DCP2: variants seen among roughly 807,000 people sequenced by gnomAD.
DCP2 encodes decapping mRNA 2, also known as m7GpppN-mRNA hydrolase.
DCP2 carries 30 observed loss-of-function variants against 56.1 expected under a neutral mutation model. The observed-to-expected ratio is 0.53, with a 90% CI of 0.40 to 0.73. The LOEUF (loss-of-function observed/expected upper bound fraction) is 0.73, where lower values mean the gene tolerates loss of function less well. Ranked by LOEUF, DCP2 falls within the 30% of genes least tolerant of loss-of-function variation. The pLI, the probability that DCP2 is intolerant of heterozygous loss-of-function variation, is 0.00. For synonymous variants in DCP2, 197 were observed against 163.3 expected, an observed-to-expected ratio of 1.21 and a Z score of -1.57; for missense variants, 533 against 502.7, an observed-to-expected ratio of 1.06 and a Z score of -0.58.
At chr5:113,004,290 T>C (rs1279312410) in intron 8 of DCP2, among the ~76,000 whole-genome samples, 2 of 152,258 alleles carry the variant, frequency 1.3e-5, no homozygotes, top group Non-Finnish European at 2.9e-5. Flanking sequence ...AATTAGCATC[T>C]GACTTTTGTG....
chr5:112,981,410 T>C (rs1747997618), intron 1 of DCP2, among the ~76,000 whole-genome samples: 1 of 152,220 alleles, frequency 6.6e-6, no homozygotes, highest in Non-Finnish European at 1.5e-5. Flanking sequence ...CATTTTTTCT[T>C]GCCCATTCCC....
intron 4 of DCP2, among the ~76,000 whole-genome samples, chr5:113,000,732 A>G (rs1305962710): frequency 6.6e-6 from 1 of 152,212 alleles, no homozygotes; most frequent in Non-Finnish European, 1.5e-5. Flanking sequence ...TACCTTCTGT[A>G]TATAAATGTT....
Position 113,017,008 on chromosome 5 carries a change from A to C in DCP2, c.*3524A>C, listed in dbSNP as rs1173764326. On this transcript the variant is annotated 3_prime_UTR_variant, in exon 11 of 11. Coordinates refer to ENST00000389063, the MANE Select transcript of DCP2 (RefSeq NM_152624.6). ...AGGCATGCGCCACCACGCCCTGCTA[A>C]TTCTGTCTTTTTAGTAGAGACGGGG... 1.3e-5 allele frequency: 2 copies of C among 151,934 alleles called. No individual in the cohort carries two copies. The highest frequency in any genetic ancestry group is 2.9e-5 in the Non-Finnish European group (2 of 68,000). The allele number at this position is 151,934 out of a possible 1,614,324, so 9.4% of individuals were successfully genotyped here.
intron 4 of DCP2, among the ~76,000 whole-genome samples, chr5:112,996,971 G>A (rs1426788057): frequency 6.6e-6 from 1 of 152,200 alleles, no homozygotes. Context: ...ACAGAAAAGA[G>A]CTGAGGAAAG....
chr5:112,991,331 T>A (rs1317563863), intron 2 of DCP2, among the ~76,000 whole-genome samples: 1 of 152,204 alleles, frequency 6.6e-6, no homozygotes, highest in African/African-American at 2.4e-5. Flanking sequence ...ATTAACAGTA[T>A]TATAGTGATG....
chr5:113,005,958 C>G (rs566447916), intron 8 of DCP2, among the ~76,000 whole-genome samples: 2 of 151,910 alleles, frequency 1.3e-5, no homozygotes, highest in Non-Finnish European at 2.9e-5. Flanking sequence ...CATGTCTCTA[C>G]TACTAAAAAT....
At position 113,013,831 on chromosome 5, in the gene DCP2, A is replaced by G. The variant is rs575447828; in HGVS notation, c.*347A>G. On this transcript the variant is annotated 3_prime_UTR_variant, in exon 11 of 11. Coordinates refer to ENST00000389063, the MANE Select transcript of DCP2 (RefSeq NM_152624.6). ...CCAAGTTAATGGGAATGCTCCATCT[A>G]CCTGTTACAGTGATTGCAATAATAG... The G allele has an allele frequency of 1.1e-5, 2 of 188,608 alleles. No individual in the cohort carries two copies. Among genetic ancestry groups the G allele is most frequent in the African/African-American group, 4.7e-5 (2 of 42,636 alleles). 11.7% of individuals were successfully genotyped at this position (188,608 alleles called of 1,614,324 possible).
chr5:113,016,821 TACC>T lies in DCP2; in HGVS notation c.*3340_*3342del. 1 of 149,858 alleles carries T rather than the reference TACC, an allele frequency of 6.7e-6. No homozygotes were observed. Among genetic ancestry groups the T allele is most frequent in the Admixed American group, 6.7e-5 (1 of 14,902 alleles). The allele number at this position is 149,858 out of a possible 1,614,324, so 9.3% of individuals were successfully genotyped here. A position where few individuals can be genotyped will look rare whatever the true frequency, so the allele number is the denominator to read the frequency against. On this transcript the variant is annotated 3_prime_UTR_variant, in exon 11 of 11. Transcript: ENST00000389063. The stretch of plus-strand genomic sequence containing the variant: ...AGACATTTTGCCAAGTTAGTTTTCT[TACC>T]ACAATACCCTCTTGGCTTTTTTTTT...
rs933417120 is a variant in DCP2, at chr5:113,021,291, C to G, written c.*7807C>G. Among the ~76,000 whole-genome samples the G allele has an allele frequency of 4.7e-5, 7 of 149,148 alleles. No homozygotes were observed. Among genetic ancestry groups the G allele is most frequent in the African/African-American group, 1.7e-4 (7 of 40,610 alleles). On this transcript the variant is annotated 3_prime_UTR_variant, in exon 11 of 11. Coordinates refer to ENST00000389063, the MANE Select transcript of DCP2 (RefSeq NM_152624.6). ...CTGAGGCAGGAGAATCTCTTGACCC[C>G]GGGAGGCAGAGGTCGCAGTGAGCTG... is the stretch of plus-strand genomic sequence containing the variant.
chr5:113,010,207 ATTTTT>A (rs766144641), intron 9 of DCP2, among the ~76,000 whole-genome samples: 1 of 117,926 alleles, frequency 8.5e-6, no homozygotes. Flanking sequence ...TAATTCTTGT[ATTTTT>A]TTTTTTTTTT....
At chr5:112,987,202 G>T (rs1278973112) in intron 2 of DCP2, among the ~76,000 whole-genome samples, 1 of 152,144 alleles carries the variant, frequency 6.6e-6, no homozygotes, top group Non-Finnish European at 1.5e-5. Flanking sequence ...GGAAAAAAAA[G>T]TGGAAATATT....
At chr5:113,013,172 T>C (rs1174224232) in intron 10 of DCP2, 149 bp from the exon 11 acceptor site, 7 of 671,156 alleles carry the variant, frequency 1.0e-5, no homozygotes, top group Non-Finnish European at 1.6e-5. Flanking sequence ...GAAAGGAAAA[T>C]ACATATTTTG....
rs560660552 is a variant in DCP2 at position 113,014,938 on chromosome 5, A to G, written c.*1454A>G. 1 of 152,790 alleles carries G rather than the reference A, an allele frequency of 6.5e-6. No homozygotes were observed. Among genetic ancestry groups the G allele is most frequent in the East Asian group, 1.9e-4 (1 of 5,194 alleles). 9.5% of individuals were successfully genotyped at this position (152,790 alleles called of 1,614,324 possible). ...AAAAGAAGGGCTATTTAAGGAATTC[A>G]CTTGGTAGTACTTTGCTTTAGCTTT... On this transcript the variant is annotated 3_prime_UTR_variant, in exon 11 of 11. Transcript: ENST00000389063.
rs962378679 is a variant in DCP2 at position 113,014,833 on chromosome 5, T to C, written c.*1349T>C. On this transcript the variant is annotated 3_prime_UTR_variant, in exon 11 of 11. Transcript: ENST00000389063. ...TGGTATCCACAAAATACTTCTCTGC[T>C]TATAAATGTTATTGTAGAAATCTTT... is the stretch of plus-strand genomic sequence containing the variant. The C allele has an allele frequency of 3.3e-5, 5 of 152,648 alleles. No homozygotes were observed. Among genetic ancestry groups the C allele is most frequent in the African/African-American group, 1.2e-4 (5 of 41,460 alleles). The allele number at this position is 152,648 out of a possible 1,614,324, so 9.5% of individuals were successfully genotyped here. A position where few individuals can be genotyped will look rare whatever the true frequency, so the allele number is the denominator to read the frequency against.
intron 8 of DCP2, 41 bp from the exon 9 acceptor site, chr5:113,007,897 T>C (rs767372425): frequency 6.4e-7 from 1 of 1,551,160 alleles, no homozygotes; most frequent in Non-Finnish European, 8.8e-7. Flanking sequence ...GCTATTACAT[T>C]ATGCTATAGA....
In DCP2 at chr5:113,013,567, A is replaced by C; in HGVS notation, c.*83A>C. On this transcript the variant is annotated 3_prime_UTR_variant, in exon 11 of 11. Transcript: ENST00000389063. The stretch of plus-strand genomic sequence containing the variant: ...TGTCTCCTCAAGCCTTACCTTTCTC[A>C]GGTGTTTTAAAGAAATGCAGGGAGG... 3.2e-5 allele frequency: 48 copies of C among 1,499,816 alleles called. No individual in the cohort carries two copies. The highest frequency in any genetic ancestry group is 6.8e-5 in the East Asian group (3 of 44,120). The allele number at this position is 1,499,816 out of a possible 1,614,324, so 92.9% of individuals were successfully genotyped here. A position where few individuals can be genotyped will look rare whatever the true frequency, so the allele number is the denominator to read the frequency against.
At position 113,015,870 on chromosome 5, in the gene DCP2, G is replaced by A. The variant is rs984210208; in HGVS notation, c.*2386G>A. ...TTTCTCCTTTGAGAAATTTTAGTAT[G>A]GTTTGAGGAAATCAAGTGATAAAGG... On this transcript the variant is annotated 3_prime_UTR_variant, in exon 11 of 11. Transcript: ENST00000389063. 5 of 152,590 alleles carry A rather than the reference G, an allele frequency of 3.3e-5. No individual in the cohort carries two copies. The highest frequency in any genetic ancestry group is 7.4e-5 in the Non-Finnish European group (5 of 68,018). 9.5% of individuals were successfully genotyped at this position (152,590 alleles called of 1,614,324 possible).
rs61532290 is a variant in DCP2, at chr5:113,021,386, CA to C, written c.*7920del. ...CTGTCTGGAAAAAACAAAAAACAAC[CA>C]AAAAAAAAAAAAAAAAACCCCCAGG... On this transcript the variant is annotated 3_prime_UTR_variant, in exon 11 of 11. Coordinates refer to ENST00000389063, the MANE Select transcript of DCP2 (RefSeq NM_152624.6). 0.14 allele frequency among the ~76,000 whole-genome samples: 14,362 copies of C among 105,492 alleles called. 1,632 individuals are homozygous for C. The highest frequency in any genetic ancestry group is 0.34 in the African/African-American group (10,927 of 31,932). The allele number at this position is 105,492 out of a possible 152,430, so 69.2% of individuals were successfully genotyped here.
chr5:112,988,695 T>C (rs967924768), intron 2 of DCP2, among the ~76,000 whole-genome samples: 1 of 152,010 alleles, frequency 6.6e-6, no homozygotes, highest in African/African-American at 2.4e-5. Flanking sequence ...CAGAGGGAAA[T>C]AGAAATATAT....
Sources: gnomAD v4.1 joint callset for allele counts (sites outside exome capture counted in the v4.1 genomes callset) on GRCh38, gnomAD v4.1.1 for gene constraint, MANE v1.5 for transcripts, NCBI Gene and HGNC (gene_info 2026-07-23, HGNC 2026-07-21) for gene names.